WWOX: variants seen among roughly 807,000 people sequenced by gnomAD.
WWOX encodes the protein WW domain-containing oxidoreductase.
Under a neutral mutation model 46.2 loss-of-function variants are expected in WWOX, and 69 were observed. The ratio of observed to expected loss-of-function variants is 1.49; its 90% CI spans 1.23 to 1.82. The LOEUF (loss-of-function observed/expected upper bound fraction) is 1.82. WWOX is among the 40% of genes most tolerant of loss of function. The pLI, the probability that WWOX is intolerant of heterozygous loss-of-function variation, is 0.00. For synonymous variants in WWOX, 359 were observed against 202.6 expected, an observed-to-expected ratio of 1.77 and a Z score of -6.56; for missense variants, 919 against 542.6, an observed-to-expected ratio of 1.69 and a Z score of -6.89.
chr16:78,663,779 A>C (rs2047269177), intron 8 of WWOX, among the ~76,000 whole-genome samples: 1 of 152,186 alleles, frequency 6.6e-6, no homozygotes, highest in African/African-American at 2.4e-5. Context: ...TACACCCTGA[A>C]TGAAGAGAGC....
intron 8 of WWOX, among the ~76,000 whole-genome samples, chr16:79,097,940 C>A (rs2049110716): frequency 6.6e-6 from 1 of 152,144 alleles, no homozygotes; most frequent in African/African-American, 2.4e-5. Context: ...AAGTCAGGTC[C>A]TGCCGGGTGA....
Position 78,909,782 on chromosome 16 carries a change from T to G in WWOX, c.1057-301826T>G, listed in dbSNP as rs7191051. 1.2e-3 allele frequency among the ~76,000 whole-genome samples: 183 copies of G among 152,208 alleles called. 2 individuals carry two copies. The highest frequency in any genetic ancestry group is 4.0e-3 in the African/African-American group (168 of 41,524). On this transcript the variant is annotated intron_variant, in intron 8 of 8. Coordinates refer to ENST00000566780, the MANE Select transcript of WWOX (RefSeq NM_016373.4). The stretch of plus-strand genomic sequence containing the variant: ...GTTCCATGCGTCAACTTAGTCCAAA[T>G]GTAGAGGGTCAGGAAAACAGTGATA...
chr16:78,959,952 G>T (rs1461221137), intron 8 of WWOX, among the ~76,000 whole-genome samples: 1 of 152,216 alleles, frequency 6.6e-6, no homozygotes, highest in Non-Finnish European at 1.5e-5. Flanking sequence ...AACCAAGGTT[G>T]AGAATAAAGG....
At chr16:78,394,664 C>G (rs2082246710) in intron 6 of WWOX, among the ~76,000 whole-genome samples, 1 of 152,166 alleles carries the variant, frequency 6.6e-6, no homozygotes, top group South Asian at 2.1e-4. Flanking sequence ...AATTTTCAGA[C>G]TATTAAGATC....
intron 5 of WWOX, among the ~76,000 whole-genome samples, chr16:78,174,990 A>AAATAAT (rs1452475777): frequency 3.0e-5 from 2 of 65,824 alleles, no homozygotes; most frequent in African/African-American, 4.8e-5. Context: ...TCTGTCTCAA[A>AAATAAT]AATAATAGTA....
At chr16:79,200,421 G>A (rs1295640530) in intron 8 of WWOX, among the ~76,000 whole-genome samples, 2 of 152,100 alleles carry the variant, frequency 1.3e-5, no homozygotes, top group Non-Finnish European at 2.9e-5. Context: ...CAAGAATATG[G>A]GTTTTGAACC....
intron 8 of WWOX, among the ~76,000 whole-genome samples, chr16:78,557,136 G>T (rs1471877679): frequency 6.6e-6 from 1 of 152,180 alleles, no homozygotes; most frequent in East Asian, 1.9e-4. Context: ...GCTCCATTTG[G>T]ACTTCCTTTT....
intron 8 of WWOX, among the ~76,000 whole-genome samples, chr16:78,915,808 C>G (rs895140677): frequency 6.6e-6 from 1 of 152,202 alleles, no homozygotes; most frequent in Non-Finnish European, 1.5e-5. Context: ...GTTTATAACT[C>G]TCAAATCTTC....
intron 8 of WWOX, among the ~76,000 whole-genome samples, chr16:79,153,148 G>A (rs1046026219): frequency 9.2e-5 from 14 of 152,124 alleles, no homozygotes; most frequent in Admixed American, 2.6e-4. Context: ...TCATTCAACC[G>A]CCAAGAAATC....
At chr16:78,912,362 C>T (rs1597140737) in intron 8 of WWOX, among the ~76,000 whole-genome samples, 1 of 151,902 alleles carries the variant, frequency 6.6e-6, no homozygotes, top group Non-Finnish European at 1.5e-5. Flanking sequence ...TGATGACTGT[C>T]ATCTGCATTT....
chr16:79,188,413 C>G (rs927568831), intron 8 of WWOX, among the ~76,000 whole-genome samples: 2 of 152,126 alleles, frequency 1.3e-5, no homozygotes, highest in African/African-American at 2.4e-5. Context: ...CTAAAGTTCT[C>G]TTAGATACTT....
At chr16:78,214,411 T>A (rs1257525571) in intron 5 of WWOX, among the ~76,000 whole-genome samples, 1 of 152,166 alleles carries the variant, frequency 6.6e-6, no homozygotes, top group Non-Finnish European at 1.5e-5. Flanking sequence ...CAAGCAACAG[T>A]GGCTGGCATT....
At chr16:79,077,525 C>A (rs1197126300) in intron 8 of WWOX, 1 of 152,104 alleles carries the variant, frequency 6.6e-6, no homozygotes, top group African/African-American at 2.4e-5. Context: ...TGTAAACATG[C>A]AGCTGTGGGG....
intron 8 of WWOX, among the ~76,000 whole-genome samples, chr16:78,892,509 C>G (rs537275228): frequency 1.3e-5 from 2 of 152,314 alleles, no homozygotes; most frequent in Admixed American, 6.5e-5. Flanking sequence ...CTGTCCAGAA[C>G]ACATGTCAAG....
chr16:78,643,975 C>T (rs905172960), intron 8 of WWOX, among the ~76,000 whole-genome samples: 5 of 152,156 alleles, frequency 3.3e-5, no homozygotes, highest in African/African-American at 7.2e-5. Context: ...GTAATCCCAG[C>T]GCTTTGGGAG....
chr16:78,651,452 A>G (rs1388376727), intron 8 of WWOX, among the ~76,000 whole-genome samples: 4 of 152,370 alleles, frequency 2.6e-5, no homozygotes, highest in East Asian at 1.9e-4. Context: ...GTCAGAAGCC[A>G]TGCAGGTCCC....
chr16:78,452,160 C>T (rs939670592), intron 8 of WWOX, among the ~76,000 whole-genome samples: 1 of 152,126 alleles, frequency 6.6e-6, no homozygotes, highest in Non-Finnish European at 1.5e-5. Flanking sequence ...CTCTTAATAC[C>T]AGGCCAAAAG....
intron 8 of WWOX, among the ~76,000 whole-genome samples, chr16:78,517,557 A>AC (rs2043263083): frequency 6.6e-6 from 1 of 152,136 alleles, no homozygotes; most frequent in Admixed American, 6.6e-5. Context: ...AATGGATTTG[A>AC]ATTCTGTAAC....
chr16:78,151,992 C>T (rs911399135), intron 4 of WWOX, among the ~76,000 whole-genome samples: 3 of 152,134 alleles, frequency 2.0e-5, no homozygotes, highest in Non-Finnish European at 4.4e-5. Flanking sequence ...AGATGGAGAC[C>T]GTCCTGGCTA....
Sources: allele counts gnomAD v4.1 joint callset (sites outside exome capture counted in the v4.1 genomes callset), GRCh38; gene constraint gnomAD v4.1.1; transcripts MANE v1.5; gene names NCBI Gene and HGNC (gene_info 2026-07-23, HGNC 2026-07-21).